Variants in SH3D19 observed in about 807,000 individuals in gnomAD.
SH3D19 encodes the protein SH3 domain containing 19.
SH3D19 carries 58 observed loss-of-function variants against 112.1 expected under a neutral mutation model. The ratio of observed to expected loss-of-function variants is 0.52; its 90% CI spans 0.42 to 0.64. The LOEUF (loss-of-function observed/expected upper bound fraction) is 0.64, where lower values mean the gene tolerates loss of function less well. Ranked by LOEUF, SH3D19 falls within the 30% of genes least tolerant of loss-of-function variation. SH3D19 has a pLI of 0.00. For missense variants in SH3D19, 1,090 were observed against 1,263.4 expected (o/e 0.86, Z 2.08); for synonymous variants, 391 against 448.5 (o/e 0.87, Z 1.62).
chr4:151,159,269 G>C lies in SH3D19; in HGVS notation c.1726C>G (p.Leu576Val), dbSNP rs149992479. The C allele has an allele frequency of 1.9e-5, 29 of 1,554,862 alleles. No homozygotes were observed. In the African/African-American group the frequency reaches 3.8e-4, roughly 20 times the overall value. Residue 576 changes from leucine (L) to valine (V), a missense_variant, in exon 9 of 20, where the codon CTC becomes GTC. Transcript: ENST00000604030. ...GNTFSTVSGK[L>V]SNVERTRNLE... ...TTTCTAGTTCTCTCAACATTACTGAGCTTTCCAGATACTGTACTGAAAGTG... is the reference window on the plus strand; with the variant it reads ...TTTCTAGTTCTCTCAACATTACTGACCTTTCCAGATACTGTACTGAAAGTG...
At chr4:151,132,249 T>C in intron 17 of SH3D19, 82 bp downstream of exon 17, 1 of 1,121,740 alleles carries the variant, frequency 8.9e-7, no homozygotes, top group Non-Finnish European at 1.3e-6. Flanking sequence ...TCATACTATA[T>C]TCTCTTGAAA....
At chr4:151,148,264 C>A in intron 10 of SH3D19, 78 bp from the exon 11 acceptor site, 1 of 401,790 alleles carries the variant, frequency 2.5e-6, no homozygotes, top group African/African-American at 2.1e-5. Context: ...TACACACACA[C>A]ACACACACAC....
intron 2 of SH3D19, among the ~76,000 whole-genome samples, chr4:151,220,633 C>G (rs1455889417): frequency 1.3e-5 from 2 of 152,124 alleles, no homozygotes; most frequent in Non-Finnish European, 2.9e-5. Context: ...ATTCGTTTCC[C>G]AAACTGCCAC....
chr4:151,151,323 C>G (rs1755034030), intron 9 of SH3D19, among the ~76,000 whole-genome samples: 1 of 151,932 alleles, frequency 6.6e-6, no homozygotes, highest in African/African-American at 2.4e-5. Flanking sequence ...TTCTAAGTCC[C>G]CAACACACTC....
At chr4:151,154,966 C>T (rs2149789687) in intron 9 of SH3D19, among the ~76,000 whole-genome samples, 1 of 152,156 alleles carries the variant, frequency 6.6e-6, no homozygotes, top group Middle Eastern at 3.4e-3. Context: ...CCATGTTGGC[C>T]AGACTGATCT....
intron 1 of SH3D19, among the ~76,000 whole-genome samples, chr4:151,295,672 C>G (rs1775653698): frequency 6.6e-6 from 1 of 152,152 alleles, no homozygotes; most frequent in African/African-American, 2.4e-5. Flanking sequence ...ATACCTCAAC[C>G]CACTTATTTC....
At chr4:151,139,715 A>G in intron 13 of SH3D19, 60 bp downstream of exon 13, 2 of 1,486,550 alleles carry the variant, frequency 1.3e-6, no homozygotes, top group South Asian at 1.1e-5. Context: ...AACCCCCGGC[A>G]GGGAAAAAGA....
chr4:151,300,505 G>A (rs750098058), intron 1 of SH3D19: 3 of 151,952 alleles, frequency 2.0e-5, no homozygotes, highest in Admixed American at 1.3e-4. Flanking sequence ...GGAATAAAAG[G>A]TAGTATGGCC....
chr4:151,257,260 G>T lies in SH3D19; in HGVS notation c.113-31174C>A, dbSNP rs112424136. 9.4e-3 allele frequency among the ~76,000 whole-genome samples: 1,436 copies of T among 151,960 alleles called. 19 individuals are homozygous for T. Among genetic ancestry groups the T allele is most frequent in the African/African-American group, 0.033 (1,373 of 41,420 alleles). On this transcript the variant is annotated intron_variant, in intron 1 of 19. Coordinates refer to ENST00000604030, the MANE Select transcript of SH3D19 (RefSeq NM_001378122.1). ...GTGTCACCATGCCCGGCTAATTTTT[G>T]TATTTTTAGTAGAGACGGGGTTTCA...
chr4:151,167,511 C>T (rs1308159912), intron 7 of SH3D19, among the ~76,000 whole-genome samples: 1 of 151,874 alleles, frequency 6.6e-6, no homozygotes, highest in Admixed American at 6.6e-5. Flanking sequence ...GAAAAACAAA[C>T]CCAGGATCAT....
intron 1 of SH3D19, among the ~76,000 whole-genome samples, chr4:151,286,982 AAATAATAAT>A (rs113584974): frequency 1.8e-4 from 25 of 141,834 alleles, no homozygotes; most frequent in African/African-American, 6.3e-4. Flanking sequence ...TCTGTCTCAA[AAATAATAAT>A]AATAATAATA....
chr4:151,144,335 C>T (rs1289572941), intron 11 of SH3D19: 1 of 1,542,842 alleles, frequency 6.5e-7, no homozygotes, highest in Non-Finnish European at 9.0e-7. Context: ...AAATAACCTC[C>T]TCTTAAGTTG....
chr4:151,276,574 C>A (rs1773645593), intron 1 of SH3D19, among the ~76,000 whole-genome samples: 1 of 152,126 alleles, frequency 6.6e-6, no homozygotes, highest in Admixed American at 6.5e-5. Flanking sequence ...TAGGCTGTGG[C>A]CTCTGTTGCA....
intron 1 of SH3D19, among the ~76,000 whole-genome samples, chr4:151,255,520 G>A (rs1420283471): frequency 3.3e-5 from 5 of 150,876 alleles, no homozygotes; most frequent in South Asian, 2.1e-4. Flanking sequence ...GCGGCCGGGC[G>A]GAGACGCTCC....
chr4:151,170,800 C>T (rs1239578287), intron 7 of SH3D19: 1 of 152,152 alleles, frequency 6.6e-6, no homozygotes, highest in African/African-American at 2.4e-5. Context: ...GTCTGAAATT[C>T]AAAAGGGAGC....
chr4:151,313,403 G>A (rs190209087), intron 1 of SH3D19, among the ~76,000 whole-genome samples: 1,554 of 149,828 alleles, frequency 0.01, 29 homozygotes, highest in African/African-American at 0.034. Context: ...CATATTTTAT[G>A]TATTTATTTA....
intron 2 of SH3D19, among the ~76,000 whole-genome samples, chr4:151,195,838 G>A (rs1042262790): frequency 2.0e-5 from 3 of 149,476 alleles, no homozygotes; most frequent in Non-Finnish European, 4.4e-5. Context: ...TAGATCATAC[G>A]TAAAGAAAAA....
chr4:151,153,361 G>A (rs892265618), intron 9 of SH3D19, among the ~76,000 whole-genome samples: 2 of 151,100 alleles, frequency 1.3e-5, no homozygotes, highest in East Asian at 3.9e-4. Context: ...ATTCTCCTGC[G>A]TCAGCCTCCC....
rs1218619719 is a variant in SH3D19, at chr4:151,195,862, A to C, written c.153-8399T>G. ...CGTAAAGAAAAAGTTTCTGAAAAAC[A>C]ACTGACTCATCCAGTTACACCCTAC... On this transcript the variant is annotated intron_variant, in intron 2 of 19. Transcript: ENST00000604030. Among the ~76,000 whole-genome samples, 4 of 151,914 alleles carry C rather than the reference A, an allele frequency of 2.6e-5. 1 individual carries two copies. Among genetic ancestry groups the C allele is most frequent in the African/African-American group, 9.7e-5 (4 of 41,408 alleles).
Sources: allele counts gnomAD v4.1 joint callset (sites outside exome capture counted in the v4.1 genomes callset), GRCh38; gene constraint gnomAD v4.1.1; transcripts MANE v1.5; gene names NCBI Gene and HGNC (gene_info 2026-07-23, HGNC 2026-07-21).